KRT20: variants seen among roughly 807,000 people sequenced by gnomAD.
KRT20 encodes the protein keratin 20.
A neutral mutation model predicts 43.0 loss-of-function variants in KRT20; 41 were observed. That is an observed-to-expected ratio of 0.95 (90% CI 0.74 to 1.24). The LOEUF is 1.24. Among genes scored for constraint, KRT20 ranks in the 50% most tolerant of loss-of-function variants. KRT20 has a pLI of 0.00. For missense variants in KRT20, 533 were observed against 521.2 expected, an observed-to-expected ratio of 1.02 and a Z score of -0.22; for synonymous variants, 207 against 200.6, an observed-to-expected ratio of 1.03 and a Z score of -0.27.
intron 1 of KRT20, among the ~76,000 whole-genome samples, chr17:40,882,959 C>T (rs1907665851): frequency 6.6e-6 from 1 of 152,088 alleles, no homozygotes; most frequent in Non-Finnish European, 1.5e-5. Flanking sequence ...ATCTGCCTGC[C>T]TCGGCCTCCC....
In KRT20 at chr17:40,880,771, C is replaced by T. The variant is rs1457762367; in HGVS notation, c.474-1G>A. On this transcript the variant is annotated splice_acceptor_variant, in intron 2 of 7. Transcript: ENST00000167588. LOFTEE classifies it high-confidence loss of function. ...ACGTATTCCTCTCTCAGTCTCATAC[C>T]TGTGAATTAATTAGTGTACAGAGAT... 4 of 1,524,694 alleles carry T rather than the reference C, an allele frequency of 2.6e-6. No individual in the cohort carries two copies. Among genetic ancestry groups the T allele is most frequent in the East Asian group, 4.6e-5 (2 of 43,450 alleles). 94.4% of individuals were successfully genotyped at this position (1,524,694 alleles called of 1,614,324 possible). A position where few individuals can be genotyped will look rare whatever the true frequency, so the allele number is the denominator to read the frequency against.
rs373161159 is a variant in KRT20, at chr17:40,877,372, G to A, written c.1177+8C>T. ...GTCATAGAAAATGTGCAAAAATTTA[G>A]AACTTACCTCTCTCTTCCAGGGTGC... On this transcript the variant is annotated splice_region_variant and intron_variant, in intron 7 of 7. Coordinates refer to ENST00000167588, the MANE Select transcript of KRT20 (RefSeq NM_019010.3). The A allele has an allele frequency of 4.2e-4, 640 of 1,530,864 alleles. 5 individuals are homozygous for A. The South Asian group carries it at 4.7e-3, about 11-fold the overall frequency. 94.8% of individuals were successfully genotyped at this position (1,530,864 alleles called of 1,614,324 possible).
chr17:40,882,965 C>T (rs1907666814), intron 1 of KRT20, among the ~76,000 whole-genome samples: 1 of 152,102 alleles, frequency 6.6e-6, no homozygotes, highest in Admixed American at 6.5e-5. Context: ...CTGCCTCGGC[C>T]TCCCAAAGTG....
rs575835854 is a variant in KRT20 at position 40,879,903 on chromosome 17, A to G, written c.828T>C (p.Thr276=). ...GAACCTCAGTTCCTTTTAATTCTTC[A>G]GTATTCACTGTGACCTGTTGCTGCA... is the stretch of plus-strand genomic sequence containing the variant. ...AVLQQQVTVN[T]EELKGTEVQL... The change falls in exon 5 of 8, where the codon ACT becomes ACC. Residue 276 remains threonine, a synonymous_variant. Transcript: ENST00000167588. 8.1e-5 allele frequency: 130 copies of G among 1,613,802 alleles called. No individual in the cohort carries two copies. Among genetic ancestry groups the G allele is most frequent in the Non-Finnish European group, 1.1e-4 (124 of 1,180,012 alleles).
In KRT20 at chr17:40,885,093, C is replaced by T. The variant is rs762213337; in HGVS notation, c.93G>A (p.Thr31=). ...VSTVGMQRLG[T]TPSVYGGAGG... ...CAGCACCCCCATAAACGCTGGGTGT[C>T]GTCCCGAGGCGCTGCATGCCCACTG... Residue 31 remains threonine (T), a synonymous_variant, in exon 1 of 8, where the codon ACG becomes ACA. Transcript: ENST00000167588. 4 of 1,613,916 alleles carry T rather than the reference C, an allele frequency of 2.5e-6. No individual in the cohort carries two copies. The South Asian group carries it at 4.4e-5, about 18-fold the overall frequency.
At chr17:40,877,499 T>C in intron 6 of KRT20, 82 bp from the exon 7 acceptor site, 2 of 790,610 alleles carry the variant, frequency 2.5e-6, no homozygotes, top group South Asian at 4.0e-5. Flanking sequence ...TGCACTCCTG[T>C]CTTTTATATT....
At chr17:40,878,936 G>A (rs1239399553) in intron 5 of KRT20, among the ~76,000 whole-genome samples, 1 of 152,004 alleles carries the variant, frequency 6.6e-6, no homozygotes, top group Non-Finnish European at 1.5e-5. Context: ...CAAGTAGCTG[G>A]GATTACAGGC....
At chr17:40,879,351 T>A (rs1907485308) in intron 5 of KRT20, among the ~76,000 whole-genome samples, 1 of 152,198 alleles carries the variant, frequency 6.6e-6, no homozygotes, top group African/African-American at 2.4e-5. Flanking sequence ...TTTTGAGATC[T>A]GGTATAATGG....
rs150218413 is a variant in KRT20, at chr17:40,882,628, A to T, written c.417T>A (p.Ala139=). Residue 139 remains alanine, a synonymous_variant, in exon 2 of 8, where the codon GCT becomes GCA. Transcript: ENST00000167588. ...CATTATCAATTTGCAGGACACACCGAGCATTTTGCAGTTGAGCATCCTTAA... is the reference window on the plus strand; with the variant it reads ...CATTATCAATTTGCAGGACACACCGTGCATTTTGCAGTTGAGCATCCTTAA... ...SQIKDAQLQN[A]RCVLQIDNAK... 7 of 1,553,140 alleles carry T rather than the reference A, an allele frequency of 4.5e-6. No homozygotes were observed. Among genetic ancestry groups the T allele is most frequent in the African/African-American group, 1.4e-5 (1 of 73,272 alleles).
chr17:40,885,203 A>G lies in KRT20; in HGVS notation c.-18T>C. 8.9e-6 allele frequency: 14 copies of G among 1,575,054 alleles called. No individual in the cohort carries two copies. The highest frequency in any genetic ancestry group is 1.2e-5 in the Non-Finnish European group (14 of 1,163,104). ...AAATCCATTGGAGATTCCAGGAGGG[A>G]GCACCTGTAGCTTCAGGATGGTTGG... On this transcript the variant is annotated 5_prime_UTR_variant, in exon 1 of 8. Coordinates refer to ENST00000167588, the MANE Select transcript of KRT20 (RefSeq NM_019010.3).
rs1907421316 is a variant in KRT20, at chr17:40,878,029, A to T, written c.1139+116T>A. The T allele has an allele frequency of 5.8e-6, 5 of 861,204 alleles. No homozygotes were observed. In the South Asian group the frequency reaches 7.9e-5, roughly 14 times the overall value. 53.3% of individuals were successfully genotyped at this position (861,204 alleles called of 1,614,324 possible). ...TGTTGTTCGTGGTGAGGCATGTGTG[A>T]GTATAATTGCTTCTGTCCTAGGGAT... On this transcript the variant is annotated intron_variant, in intron 6 of 7. Coordinates refer to ENST00000167588, the MANE Select transcript of KRT20 (RefSeq NM_019010.3).
chr17:40,875,938 C>G lies in KRT20; in HGVS notation c.*423G>C, dbSNP rs904120903. On this transcript the variant is annotated 3_prime_UTR_variant, in exon 8 of 8. Transcript: ENST00000167588. Reference sequence around the variant, plus strand: ...CCAGGGACTCCCAAAGGGGGTTTTACAATTCAGAAACAGGAAAAAATTAGA... The same window carrying G: ...CCAGGGACTCCCAAAGGGGGTTTTAGAATTCAGAAACAGGAAAAAATTAGA... 1.9e-5 allele frequency: 3 copies of G among 153,924 alleles called. No homozygotes were observed. The highest frequency in any genetic ancestry group is 7.2e-5 in the African/African-American group (3 of 41,438). The allele number at this position is 153,924 out of a possible 1,614,324, so 9.5% of individuals were successfully genotyped here.
In KRT20 at chr17:40,884,994, G is replaced by A; in HGVS notation, c.192C>T (p.Asp64=). ...CCATTTTCTCATTGCCAACAAACAG[G>A]TCCCCGCCGCCTGTGAGATCGCTCC... ...NYGSDLTGGG[D]LFVGNEKMAM... The change falls in exon 1 of 8, where the codon GAC becomes GAT. Residue 64 remains aspartate, a synonymous_variant. Transcript: ENST00000167588. 1 of 1,614,188 alleles carries A rather than the reference G, an allele frequency of 6.2e-7. No individual in the cohort carries two copies.
intron 1 of KRT20, 131 bp downstream of exon 1, chr17:40,884,665 G>T (rs528213339): frequency 6.7e-5 from 69 of 1,029,808 alleles, no homozygotes; most frequent in South Asian, 8.6e-5. Context: ...GTAGATGAAA[G>T]AATTTTTATA....
rs113117542 is a variant in KRT20, at chr17:40,880,543, G to A, written c.630+71C>T. The A allele has an allele frequency of 9.3e-4, 1,255 of 1,345,998 alleles. 11 individuals are homozygous for A. The African/African-American group carries it at 0.016, about 17-fold the overall frequency. 83.4% of individuals were successfully genotyped at this position (1,345,998 alleles called of 1,614,324 possible). A position where few individuals can be genotyped will look rare whatever the true frequency, so the allele number is the denominator to read the frequency against. ...TCTTCCCCCTTCTCCTGTTTCTCCC[G>A]CTCCTCCTATTATTAGTATTATATA... is the stretch of plus-strand genomic sequence containing the variant. On this transcript the variant is annotated intron_variant, in intron 3 of 7. Coordinates refer to ENST00000167588, the MANE Select transcript of KRT20 (RefSeq NM_019010.3).
intron 5 of KRT20, 119 bp from the exon 6 acceptor site, chr17:40,878,484 T>C: frequency 2.7e-6 from 2 of 732,222 alleles, no homozygotes; most frequent in Non-Finnish European, 4.5e-6. Context: ...ATGGTGTATA[T>C]TTCTAGCTCC....
At chr17:40,880,078 C>A (rs1213771634) in intron 4 of KRT20, 22 bp downstream of exon 4, 1 of 1,604,628 alleles carries the variant, frequency 6.2e-7, no homozygotes, top group African/African-American at 1.3e-5. Context: ...CGTTTGCTCA[C>A]CCTTTAGAAT....
Position 40,878,198 on chromosome 17 carries a change from T to A in KRT20, c.1086A>T (p.Arg362=), listed in dbSNP as rs376036156. 1.7e-5 allele frequency: 28 copies of A among 1,613,990 alleles called. No homozygotes were observed. In the African/African-American group the frequency reaches 3.1e-4, roughly 18 times the overall value. The change falls in exon 6 of 8, where the codon CGA becomes CGT. Residue 362 remains arginine, a synonymous_variant. Transcript: ENST00000167588. Reference sequence around the variant, plus strand: ...GGTAAGTAGCAATTTCCTGTTCAAGTCGAGTCTTTATGTCAAGAAGGATAT... The same window carrying A: ...GGTAAGTAGCAATTTCCTGTTCAAGACGAGTCTTTATGTCAAGAAGGATAT... The part of the protein sequence containing the change: ...EYHILLDIKT[R]LEQEIATYRR...
At chr17:40,877,151 AC>A (rs1907384958) in intron 7 of KRT20, among the ~76,000 whole-genome samples, 1 of 152,102 alleles carries the variant, frequency 6.6e-6, no homozygotes, top group Non-Finnish European at 1.5e-5. Flanking sequence ...ATGGGATGAC[AC>A]AGCAAGAAGG....
Sources: gnomAD v4.1 joint callset for allele counts (sites outside exome capture counted in the v4.1 genomes callset) on GRCh38, gnomAD v4.1.1 for gene constraint, MANE v1.5 for transcripts, NCBI Gene and HGNC (gene_info 2026-07-23, HGNC 2026-07-21) for gene names.